The following WNT2B variants were observed in gnomAD, a reference collection of about 807,000 sequenced individuals.
The protein encoded by WNT2B is Wnt family member 2B, also known as protein Wnt-2b.
A neutral mutation model predicts 40.5 loss-of-function variants in WNT2B; 19 were observed. The ratio of observed to expected loss-of-function variants is 0.47; its 90% confidence interval spans 0.33 to 0.69. The LOEUF is 0.69. Ranked by LOEUF, WNT2B falls within the 30% of genes least tolerant of loss-of-function variation. The probability of loss-of-function intolerance (pLI) is 0.02; values close to 1 mark genes in which losing one functional copy is unlikely to be tolerated. For missense variants in WNT2B, 467 were observed against 556.4 expected, an observed-to-expected ratio of 0.84 and a Z score of 1.62; for synonymous variants, 220 against 211.9, an observed-to-expected ratio of 1.04 and a Z score of -0.33.
In WNT2B at chr1:112,481,627, G is replaced by A. The variant is rs542203473; in HGVS notation, c.-95+14036G>A. 9.9e-5 allele frequency among the ~76,000 whole-genome samples: 15 copies of A among 152,282 alleles called. No individual in the cohort carries two copies. The South Asian group carries it at 3.1e-3, about 32-fold the overall frequency. The stretch of plus-strand genomic sequence containing the variant: ...CCTTCTTTGCAGATGGTGTGATCAT[G>A]TACATAGAAAACACAGAAGACTCAA... On this transcript the variant is annotated intron_variant, in intron 1 of 4. Coordinates refer to the WNT2B transcript ENST00000256640.
chr1:112,506,786 A>C (rs1652119363), upstream of WNT2B, among the ~76,000 whole-genome samples: 1 of 152,236 alleles, frequency 6.6e-6, no homozygotes, highest in Non-Finnish European at 1.5e-5. Flanking sequence ...GAGAAGGGGA[A>C]GAAAATAAGT....
intron 1 of WNT2B, among the ~76,000 whole-genome samples, chr1:112,488,718 A>AT (rs71584740): frequency 4.0e-5 from 6 of 150,692 alleles, no homozygotes; most frequent in South Asian, 2.1e-4. Context: ...TGCCCGGCTA[A>AT]TTTTTTTTTG....
chr1:112,518,439 AG>A (rs1652684337), intron 4 of WNT2B: 1 of 152,220 alleles, frequency 6.6e-6, no homozygotes, highest in African/African-American at 2.4e-5. Flanking sequence ...AGTGGCTTGG[AG>A]TAAAACTGGG....
chr1:112,507,468 A>T (rs960568312), upstream of WNT2B, among the ~76,000 whole-genome samples: 1 of 152,196 alleles, frequency 6.6e-6, no homozygotes, highest in Admixed American at 6.5e-5. Context: ...GACAGGAGGG[A>T]AGTGCTTGCA....
chr1:112,490,837 T>C (rs61820474), intron 1 of WNT2B, among the ~76,000 whole-genome samples: 10,784 of 152,166 alleles, frequency 0.071, 488 homozygotes, highest in African/African-American at 0.13. Flanking sequence ...ATTTTTGTAT[T>C]TCAAATCCTA....
chr1:112,472,559 G>GAAAAAAAAAA (rs35939097), intron 1 of WNT2B, among the ~76,000 whole-genome samples: 1 of 89,122 alleles, frequency 1.1e-5, no homozygotes, highest in Non-Finnish European at 2.5e-5. Flanking sequence ...CCCAACCAAT[G>GAAAAAAAAAA]AAAAAAAAAA....
chr1:112,470,691 G>A (rs1036643362), intron 1 of WNT2B, among the ~76,000 whole-genome samples: 5 of 152,204 alleles, frequency 3.3e-5, no homozygotes, highest in Admixed American at 1.3e-4. Context: ...CTCCACCAGT[G>A]GGGGTAGGGT....
chr1:112,489,481 T>C (rs1490268325), intron 1 of WNT2B, among the ~76,000 whole-genome samples: 2 of 151,964 alleles, frequency 1.3e-5, no homozygotes, highest in African/African-American at 4.8e-5. Context: ...GGAGAATCAC[T>C]TGAACCCAGG....
chr1:112,511,239 T>TAGGGAGGG (rs941826971), intron 1 of WNT2B, among the ~76,000 whole-genome samples: 5 of 150,492 alleles, frequency 3.3e-5, no homozygotes, highest in Admixed American at 6.6e-5. Flanking sequence ...GTGAAAGAGC[T>TAGGGAGGG]AGGGAGGGAG....
intron 1 of WNT2B, chr1:112,491,167 T>C: frequency 7.5e-7 from 1 of 1,337,522 alleles, no homozygotes; most frequent in Non-Finnish European, 1.0e-6. Context: ...CCCAGCACTT[T>C]CAGAGGCTGA....
In WNT2B at chr1:112,517,204, C is replaced by T; in HGVS notation, c.765C>T (p.Leu255=). The change falls in exon 4 of 5, where the codon CTC becomes CTT. Residue 255 remains leucine (L), a synonymous_variant. Transcript: ENST00000369684. ...CTCTGCGCACCTGCTGGCGTGCACT[C>T]TCAGATTTCCGCCGCACAGGTGATT... ...SCTLRTCWRA[L]SDFRRTGDYL... 1 of 1,614,192 alleles carries T rather than the reference C, an allele frequency of 6.2e-7. No individual in the cohort carries two copies. Among genetic ancestry groups the T allele is most frequent in the Non-Finnish European group, 8.5e-7 (1 of 1,180,048 alleles).
intron 1 of WNT2B, among the ~76,000 whole-genome samples, chr1:112,499,533 A>T (rs185455111): frequency 6.6e-6 from 1 of 152,330 alleles, no homozygotes. Flanking sequence ...TAACAGTCTA[A>T]AAAGGAAAAA....
rs974590169 is a variant in WNT2B, at chr1:112,490,784, C to T, written c.-95+23193C>T. On this transcript the variant is annotated intron_variant, in intron 1 of 4. Coordinates refer to the WNT2B transcript ENST00000256640. Reference sequence around the variant, plus strand: ...GATTACAGGCGTGAGCCCCCGCGCCCGGCCAAAGAACTCATATTCTTAATG... The same window carrying T: ...GATTACAGGCGTGAGCCCCCGCGCCTGGCCAAAGAACTCATATTCTTAATG... Among the ~76,000 whole-genome samples, 22 of 152,112 alleles carry T rather than the reference C, an allele frequency of 1.4e-4. 1 individual carries two copies. The highest frequency in any genetic ancestry group is 6.8e-3 in the Middle Eastern group (2 of 292).
intron 1 of WNT2B, among the ~76,000 whole-genome samples, chr1:112,489,263 A>C (rs1651519995): frequency 6.6e-6 from 1 of 152,008 alleles, no homozygotes; most frequent in Non-Finnish European, 1.5e-5. Flanking sequence ...AAAAAAAAGA[A>C]AAAGAAAAAA....
chr1:112,481,564 A>C (rs1424232184), intron 1 of WNT2B, among the ~76,000 whole-genome samples: 1 of 152,246 alleles, frequency 6.6e-6, no homozygotes, highest in Non-Finnish European at 1.5e-5. Context: ...GCAATGAGAC[A>C]AGAAAAAGCC....
At chr1:112,501,584 CTGTTT>C (rs971015631) in intron 1 of WNT2B, among the ~76,000 whole-genome samples, 3 of 152,140 alleles carry the variant, frequency 2.0e-5, no homozygotes, top group Admixed American at 2.0e-4. Flanking sequence ...CAATCGAAAA[CTGTTT>C]TGTTTTGTTG....
chr1:112,485,313 T>A (rs1651378013), intron 1 of WNT2B, among the ~76,000 whole-genome samples: 1 of 151,860 alleles, frequency 6.6e-6, no homozygotes, highest in African/African-American at 2.4e-5. Flanking sequence ...ATACAAAAAT[T>A]AACCAGGCAT....
At chr1:112,472,996 G>T (rs1650929398) in intron 1 of WNT2B, among the ~76,000 whole-genome samples, 1 of 141,328 alleles carries the variant, frequency 7.1e-6, no homozygotes. Context: ...GAGGGAGGGA[G>T]GGGAGGGAAG....
At chr1:112,517,476 G>A in intron 4 of WNT2B, 91 bp downstream of exon 4, 1 of 1,470,572 alleles carries the variant, frequency 6.8e-7, no homozygotes, top group African/African-American at 1.4e-5. Context: ...TCAGGAGTTA[G>A]GGAAGGGGGT....
Sources: gnomAD v4.1 joint callset for allele counts (sites outside exome capture counted in the v4.1 genomes callset) on GRCh38, gnomAD v4.1.1 for gene constraint, MANE v1.5 for transcripts, NCBI Gene and HGNC (gene_info 2026-07-23, HGNC 2026-07-21) for gene names.